The following RUSF1 variants were observed in gnomAD, a reference collection of about 807,000 sequenced individuals.
RUSF1 encodes RUS1 family protein C16orf58.
A neutral mutation model predicts 63.0 loss-of-function variants in RUSF1; 58 were observed. The ratio of observed to expected loss-of-function variants is 0.92; its 90% CI spans 0.75 to 1.15. The LOEUF (loss-of-function observed/expected upper bound fraction) is 1.15. Among genes scored for constraint, RUSF1 ranks in the 50% most tolerant of loss-of-function variants. The pLI is 0.00. For missense variants in RUSF1, 652 were observed against 611.0 expected (o/e 1.07, Z -0.71); for synonymous variants, 274 against 255.8 (o/e 1.07, Z -0.68).
rs768207863 is a variant in RUSF1 at position 31,499,424 on chromosome 16, G to A, written c.495-17C>T. ...GCAAAAAGCCTGGGGAGGGATCAGA[G>A]GTTAGAGGTCAGAGGTAGGAGACTT... On this transcript the variant is annotated splice_polypyrimidine_tract_variant and intron_variant, in intron 4 of 12. Transcript: ENST00000327237. The A allele has an allele frequency of 5.0e-6, 8 of 1,613,678 alleles. No individual in the cohort carries two copies. Among genetic ancestry groups the A allele is most frequent in the East Asian group, 2.2e-5 (1 of 44,884 alleles).
intron 2 of RUSF1, among the ~76,000 whole-genome samples, chr16:31,504,825 C>T (rs768181903): frequency 3.3e-5 from 5 of 152,196 alleles, no homozygotes; most frequent in South Asian, 4.1e-4. Flanking sequence ...GTAACTTTAG[C>T]GCCAACCCTA....
chr16:31,494,901 C>T (rs1355616948), intron 6 of RUSF1, among the ~76,000 whole-genome samples: 1 of 152,060 alleles, frequency 6.6e-6, no homozygotes, highest in Non-Finnish European at 1.5e-5. Flanking sequence ...ATCTTGAACT[C>T]CTGGGCTCAA....
chr16:31,492,811 G>A (rs1342529695), intron 10 of RUSF1, among the ~76,000 whole-genome samples, 167 bp downstream of exon 10: 2 of 152,188 alleles, frequency 1.3e-5, no homozygotes, highest in South Asian at 2.1e-4. Context: ...TTTACAAAGC[G>A]GTGACATGAA....
intron 9 of RUSF1, 93 bp downstream of exon 9, chr16:31,493,374 G>C (rs2082584050): frequency 3.6e-5 from 53 of 1,455,852 alleles, no homozygotes; most frequent in Non-Finnish European, 4.9e-5. Flanking sequence ...CCAGGACAGA[G>C]AGGTGGGGCC....
rs535669282 is a variant in RUSF1 at position 31,503,826 on chromosome 16, C to T, written c.416-3095G>A. The stretch of plus-strand genomic sequence containing the variant: ...TACAGGTGCACACAACCATGCCTGG[C>T]TAATTTTGTATTATTAGTAGAGAGG... On this transcript the variant is annotated intron_variant, in intron 2 of 12. Transcript: ENST00000327237. Among the ~76,000 whole-genome samples, 5 of 152,310 alleles carry T rather than the reference C, an allele frequency of 3.3e-5. No homozygotes were observed. The South Asian group carries it at 8.3e-4, about 25-fold the overall frequency.
chr16:31,490,079 T>C lies in RUSF1; in HGVS notation c.*756A>G. On this transcript the variant is annotated 3_prime_UTR_variant, in exon 13 of 13. Coordinates refer to ENST00000327237, the MANE Select transcript of RUSF1 (RefSeq NM_022744.4). ...GGCATGGGGGGACAGAACTCCCACCTCGTTCGTGCTCCCACCCTCCCCAGC... is the reference window on the plus strand; with the variant it reads ...GGCATGGGGGGACAGAACTCCCACCCCGTTCGTGCTCCCACCCTCCCCAGC... The C allele has an allele frequency of 6.2e-7, 1 of 1,612,730 alleles. No individual in the cohort carries two copies. The highest frequency in any genetic ancestry group is 2.2e-5 in the East Asian group (1 of 44,864).
chr16:31,503,448 G>T (rs1025415225), intron 2 of RUSF1, among the ~76,000 whole-genome samples: 3 of 152,136 alleles, frequency 2.0e-5, no homozygotes, highest in African/African-American at 7.2e-5. Context: ...TGTGGCTTAA[G>T]GTAGGTTGCC....
Position 31,508,198 on chromosome 16 carries a change from T to G in RUSF1, c.176A>C (p.Glu59Ala). The part of the protein sequence containing the change: ...TVKPEGRDAG[E>A]VGASGAPSPP... The stretch of plus-strand genomic sequence containing the variant: ...TGAGGGGGCCCCGGAAGCCCCCACT[T>G]CGCCCGCATCTCGTCCTTCAGGTTT... The change falls in exon 1 of 13, where the codon GAA becomes GCA. Residue 59 changes from glutamate (E) to alanine (A), a missense_variant. Physicochemically the swap from Glu to Ala is moderately radical, Grantham distance 107. Coordinates refer to ENST00000327237, the MANE Select transcript of RUSF1 (RefSeq NM_022744.4). 6.4e-7 allele frequency: 1 copy of G among 1,566,040 alleles called. No individual in the cohort carries two copies. The highest frequency in any genetic ancestry group is 8.6e-7 in the Non-Finnish European group (1 of 1,156,106).
rs2082604899 is a variant in RUSF1, at chr16:31,496,705, C to T, written c.702+144G>A. The T allele has an allele frequency of 4.2e-6, 3 of 720,240 alleles. No homozygotes were observed. In the East Asian group the frequency reaches 8.9e-5, roughly 21 times the overall value. The allele number at this position is 720,240 out of a possible 1,614,324, so 44.6% of individuals were successfully genotyped here. A position where few individuals can be genotyped will look rare whatever the true frequency, so the allele number is the denominator to read the frequency against. On this transcript the variant is annotated intron_variant, in intron 6 of 12. Transcript: ENST00000327237. ...GGACTTGCCGCCACCAGAGCCCAAA[C>T]CCCTACTCCTGCCTGGGTGTCTTGA...
chr16:31,505,207 CA>C (rs1260860163), intron 2 of RUSF1, among the ~76,000 whole-genome samples: 1 of 152,182 alleles, frequency 6.6e-6, no homozygotes, highest in Non-Finnish European at 1.5e-5. Context: ...TGGAGAGAAG[CA>C]TAAGTCTGGC....
intron 1 of RUSF1, 49 bp downstream of exon 1, chr16:31,508,025 G>C (rs1054554575): frequency 1.3e-6 from 2 of 1,560,072 alleles, no homozygotes; most frequent in Non-Finnish European, 1.7e-6. Context: ...CATTATTGGG[G>C]AGGGAGGAGT....
rs1258713675 is a variant in RUSF1 at position 31,490,551 on chromosome 16, ACAC to A, written c.*281_*283del. 1 of 1,588,536 alleles carries A rather than the reference ACAC, an allele frequency of 6.3e-7. No homozygotes were observed. The highest frequency in any genetic ancestry group is 8.6e-7 in the Non-Finnish European group (1 of 1,161,970). On this transcript the variant is annotated 3_prime_UTR_variant, in exon 13 of 13. Coordinates refer to ENST00000327237, the MANE Select transcript of RUSF1 (RefSeq NM_022744.4). Reference sequence around the variant, plus strand: ...CTATGCCTAAGACCAACTGCGTTGGACACCATAAGCCACAGCCTCACAGGAAGT... The same window carrying A: ...CTATGCCTAAGACCAACTGCGTTGGACATAAGCCACAGCCTCACAGGAAGT...
chr16:31,505,937 T>C (rs557593477), intron 2 of RUSF1, among the ~76,000 whole-genome samples: 1 of 152,356 alleles, frequency 6.6e-6, no homozygotes, highest in Admixed American at 6.5e-5. Context: ...TTGCTGCTGC[T>C]ATGGTTCAGA....
chr16:31,493,259 C>A (rs1272949229), intron 9 of RUSF1: 5 of 872,132 alleles, frequency 5.7e-6, no homozygotes, highest in Non-Finnish European at 9.3e-6. Context: ...ACCCATCCTT[C>A]CTTCACCCAT....
Position 31,493,794 on chromosome 16 carries a change from T to C in RUSF1, c.774-7A>G. On this transcript the variant is annotated splice_polypyrimidine_tract_variant and splice_region_variant and intron_variant, in intron 7 of 12. Transcript: ENST00000327237. ...GAAACATCCAAGGCTGAAGCTGGGG[T>C]GAGAGAGTGAGGTAGCTGAAGTGGG... 6.2e-7 allele frequency: 1 copy of C among 1,613,684 alleles called. No homozygotes were observed. The highest frequency in any genetic ancestry group is 1.3e-5 in the African/African-American group (1 of 74,866).
chr16:31,490,755 T>G lies in RUSF1; in HGVS notation c.*80A>C. On this transcript the variant is annotated 3_prime_UTR_variant, in exon 13 of 13. Transcript: ENST00000327237. ...CAGTTGCCCTAAGGAAAAATAAAGC[T>G]GCCTTTCCCCTGTCCTGCTGTGGCC... 1.3e-6 allele frequency: 2 copies of G among 1,500,256 alleles called. No individual in the cohort carries two copies. The highest frequency in any genetic ancestry group is 2.3e-5 in the South Asian group (2 of 88,254). 92.9% of individuals were successfully genotyped at this position (1,500,256 alleles called of 1,614,324 possible).
chr16:31,491,315 G>C (rs994362952), intron 12 of RUSF1, among the ~76,000 whole-genome samples: 10 of 151,958 alleles, frequency 6.6e-5, no homozygotes, highest in African/African-American at 2.4e-4. Flanking sequence ...TAGGATTGCA[G>C]AGAGAATCCA....
Position 31,489,830 on chromosome 16 carries a change from C to T in RUSF1, c.*1005G>A, listed in dbSNP as rs1201467957. The T allele has an allele frequency of 2.1e-6, 1 of 485,988 alleles. No individual in the cohort carries two copies. Among genetic ancestry groups the T allele is most frequent in the Non-Finnish European group, 3.8e-6 (1 of 264,144 alleles). 30.1% of individuals were successfully genotyped at this position (485,988 alleles called of 1,614,324 possible). On this transcript the variant is annotated 3_prime_UTR_variant, in exon 13 of 13. Transcript: ENST00000327237. ...GAGCAGGACTGCCAGGCCAGTGTCA[C>T]AAGCGCTACCATCTGGGTGTAGACA...
chr16:31,495,706 G>A (rs2082598606), intron 6 of RUSF1, among the ~76,000 whole-genome samples: 1 of 151,976 alleles, frequency 6.6e-6, no homozygotes, highest in Non-Finnish European at 1.5e-5. Flanking sequence ...ACAATGGGTG[G>A]AATAAGCCCG....
Sources: allele counts gnomAD v4.1 joint callset (sites outside exome capture counted in the v4.1 genomes callset), GRCh38; gene constraint gnomAD v4.1.1; transcripts MANE v1.5; gene names NCBI Gene and HGNC (gene_info 2026-07-23, HGNC 2026-07-21).